Variants in STAG1 observed in about 807,000 individuals in gnomAD.
The protein encoded by STAG1 is cohesin subunit SA-1.
Under a neutral mutation model 170.9 loss-of-function variants are expected in STAG1, and 26 were observed. That is an observed-to-expected ratio of 0.15 (90% CI 0.11 to 0.21). The LOEUF is 0.21. Among genes scored for constraint, STAG1 ranks in the 10% least tolerant of loss-of-function variants. The pLI is 1.00. For missense variants in STAG1, 964 were observed against 1,509.5 expected (o/e 0.64, Z 5.99); for synonymous variants, 514 against 497.7 (o/e 1.03, Z -0.44).
intron 16 of STAG1, among the ~76,000 whole-genome samples, chr3:136,431,475 T>C (rs1215016128): frequency 6.6e-6 from 1 of 152,062 alleles, no homozygotes; most frequent in East Asian, 1.9e-4. Context: ...GTTTCCCATG[T>C]TGGCCAGGCT....
At chr3:136,582,247 T>A (rs891240197) in intron 4 of STAG1, among the ~76,000 whole-genome samples, 15 of 152,006 alleles carry the variant, frequency 9.9e-5, no homozygotes, top group Admixed American at 9.2e-4. Flanking sequence ...AACACAAATG[T>A]ATCAAAGGTA....
chr3:136,747,777 A>AT (rs755574502), intron 1 of STAG1, among the ~76,000 whole-genome samples: 3,226 of 143,678 alleles, frequency 0.022, 75 homozygotes, highest in African/African-American at 0.064. Flanking sequence ...GAATTACGTA[A>AT]TTTTTTTTTT....
At chr3:136,518,933 C>A (rs1012187540) in intron 7 of STAG1, among the ~76,000 whole-genome samples, 17 of 151,752 alleles carry the variant, frequency 1.1e-4, no homozygotes, top group African/African-American at 4.1e-4. Flanking sequence ...AGGAGACACT[C>A]AATTCAAAAG....
At chr3:136,654,867 A>G (rs1298536303) in intron 1 of STAG1, among the ~76,000 whole-genome samples, 3 of 152,200 alleles carry the variant, frequency 2.0e-5, no homozygotes, top group African/African-American at 7.2e-5. Flanking sequence ...AACATGATCT[A>G]CAAGAAAGTT....
intron 10 of STAG1, among the ~76,000 whole-genome samples, chr3:136,475,822 G>A (rs959933725): frequency 1.3e-5 from 2 of 152,184 alleles, no homozygotes; most frequent in Non-Finnish European, 2.9e-5. Flanking sequence ...AGGCTAAAGA[G>A]AAAATGACAG....
chr3:136,473,994 C>T (rs1442933342), intron 10 of STAG1, among the ~76,000 whole-genome samples: 1 of 152,088 alleles, frequency 6.6e-6, no homozygotes, highest in Non-Finnish European at 1.5e-5. Context: ...TTGAATAATT[C>T]TGTGGAAAAA....
At chr3:136,535,645 A>T (rs1935582561) in intron 6 of STAG1, among the ~76,000 whole-genome samples, 1 of 152,240 alleles carries the variant, frequency 6.6e-6, no homozygotes, top group Admixed American at 6.5e-5. Context: ...CCTAGGCAAC[A>T]AAGTGAGACT....
intron 9 of STAG1, among the ~76,000 whole-genome samples, chr3:136,485,925 A>T (rs1188454822): frequency 2.0e-5 from 3 of 152,148 alleles, no homozygotes; most frequent in Admixed American, 6.5e-5. Flanking sequence ...ATGGAAATTT[A>T]AGTTGTTTCC....
Position 136,728,489 on chromosome 3 carries a change from T to G in STAG1, c.-84+23706A>C, listed in dbSNP as rs549389164. On this transcript the variant is annotated intron_variant, in intron 1 of 33. Transcript: ENST00000383202. ...AACCTTTGGAAAGTCAACTAACTTC[T>G]CCGTGCCTCAGTTTTTTCATCTGTA... Among the ~76,000 whole-genome samples the G allele has an allele frequency of 3.3e-5, 5 of 152,288 alleles. No homozygotes were observed. The South Asian group carries it at 1.0e-3, about 32-fold the overall frequency.
chr3:136,554,843 G>A (rs1936543204), intron 5 of STAG1, among the ~76,000 whole-genome samples: 1 of 152,072 alleles, frequency 6.6e-6, no homozygotes, highest in African/African-American at 2.4e-5. Flanking sequence ...GCAGTATGCT[G>A]TGATCACATG....
intron 5 of STAG1, among the ~76,000 whole-genome samples, chr3:136,556,788 G>A (rs934567994): frequency 6.6e-6 from 1 of 151,936 alleles, no homozygotes; most frequent in Non-Finnish European, 1.5e-5. Flanking sequence ...TTACCATGTT[G>A]CCCAGGCTGG....
chr3:136,554,891 A>G (rs1936544312), intron 5 of STAG1, among the ~76,000 whole-genome samples: 2 of 152,040 alleles, frequency 1.3e-5, no homozygotes, highest in African/African-American at 4.8e-5. Context: ...GTCTCAAAAA[A>G]TAACCGAAAA....
At chr3:136,432,034 C>T (rs1166500111) in intron 16 of STAG1, among the ~76,000 whole-genome samples, 2 of 152,110 alleles carry the variant, frequency 1.3e-5, no homozygotes, top group Admixed American at 1.3e-4. Flanking sequence ...CTGGGATTCC[C>T]ATTATACATA....
intron 15 of STAG1, among the ~76,000 whole-genome samples, chr3:136,438,023 G>A (rs935737359): frequency 6.6e-6 from 1 of 152,038 alleles, no homozygotes; most frequent in Non-Finnish European, 1.5e-5. Flanking sequence ...TTACATTTAG[G>A]ATGAGATAAG....
intron 1 of STAG1, among the ~76,000 whole-genome samples, chr3:136,688,965 T>C (rs1942629845): frequency 1.3e-5 from 2 of 152,168 alleles, no homozygotes; most frequent in Non-Finnish European, 2.9e-5. Flanking sequence ...CTGCCAGGAA[T>C]AAGATGGGGG....
intron 32 of STAG1, among the ~76,000 whole-genome samples, chr3:136,339,714 A>G (rs1359265982): frequency 1.3e-5 from 2 of 152,204 alleles, no homozygotes; most frequent in Non-Finnish European, 1.5e-5. Flanking sequence ...AATTCTGCCT[A>G]TAACTACTAC....
At chr3:136,613,865 T>C (rs192402225) in intron 3 of STAG1, among the ~76,000 whole-genome samples, 3 of 152,300 alleles carry the variant, frequency 2.0e-5, no homozygotes, top group Admixed American at 2.0e-4. Flanking sequence ...CCAGACTGAT[T>C]CTTTATATGT....
chr3:136,556,569 CGT>C (rs1559877132), intron 5 of STAG1, among the ~76,000 whole-genome samples: 1 of 151,598 alleles, frequency 6.6e-6, no homozygotes. Context: ...ACTTGACATT[CGT>C]TTTTTTTTTG....
intron 1 of STAG1, among the ~76,000 whole-genome samples, chr3:136,653,227 G>A (rs921417387): frequency 5.3e-5 from 8 of 151,796 alleles, no homozygotes; most frequent in South Asian, 2.1e-4. Context: ...AGCCGAGATC[G>A]TGCTGTTGCA....
Sources: gnomAD v4.1 joint callset for allele counts (sites outside exome capture counted in the v4.1 genomes callset) on GRCh38, gnomAD v4.1.1 for gene constraint, MANE v1.5 for transcripts, NCBI Gene and HGNC (gene_info 2026-07-23, HGNC 2026-07-21) for gene names.